Variants in PODXL observed in about 807,000 individuals in gnomAD.
PODXL encodes the protein podocalyxin.
Under a neutral mutation model 48.9 loss-of-function variants are expected in PODXL, and 20 were observed. The observed-to-expected ratio is 0.41, with a 90% CI of 0.29 to 0.59. The LOEUF is 0.59. PODXL is among the 20% of genes least tolerant of loss of function. The pLI, the probability that PODXL is intolerant of heterozygous loss-of-function variation, is 0.31. For synonymous variants in PODXL, 295 were observed against 287.4 expected (o/e 1.03, Z -0.27); for missense variants, 606 against 675.1 (o/e 0.90, Z 1.13).
rs77853643 is a variant in PODXL, at chr7:131,537,969, C to A, written c.100+18291G>T. 5.8e-3 allele frequency among the ~76,000 whole-genome samples: 877 copies of A among 152,346 alleles called. 9 individuals are homozygous for A. Among genetic ancestry groups the A allele is most frequent in the African/African-American group, 0.019 (807 of 41,574 alleles). On this transcript the variant is annotated intron_variant, in intron 1 of 8. Transcript: ENST00000378555. ...CACTATGTATTTGTCCATTCTGCTG[C>A]TGATGGGCATTTGGGCGGCTTCCAG...
chr7:131,545,384 A>C (rs1271413768), intron 1 of PODXL, among the ~76,000 whole-genome samples: 1 of 152,186 alleles, frequency 6.6e-6, no homozygotes, highest in Non-Finnish European at 1.5e-5. Flanking sequence ...GTGTTGTTAT[A>C]GCTAACGCTT....
intron 1 of PODXL, among the ~76,000 whole-genome samples, chr7:131,516,675 G>A (rs890945674): frequency 6.6e-6 from 1 of 151,178 alleles, no homozygotes; most frequent in African/African-American, 2.4e-5. Context: ...CCATGTCTCT[G>A]AAATGAGAAT....
chr7:131,552,192 C>T (rs952899576), intron 1 of PODXL, among the ~76,000 whole-genome samples: 3 of 152,158 alleles, frequency 2.0e-5, no homozygotes, highest in Admixed American at 6.5e-5. Flanking sequence ...CCCAAGCGAC[C>T]GCTCAGCGCT....
chr7:131,544,902 C>T (rs1798547894), intron 1 of PODXL, among the ~76,000 whole-genome samples: 1 of 152,208 alleles, frequency 6.6e-6, no homozygotes, highest in Non-Finnish European at 1.5e-5. Flanking sequence ...TCAGCAGGCC[C>T]TGTTTATCCA....
At position 131,539,458 on chromosome 7, in the gene PODXL, G is replaced by T. The variant is rs567683161; in HGVS notation, c.100+16802C>A. 2.0e-5 allele frequency among the ~76,000 whole-genome samples: 3 copies of T among 152,186 alleles called. No individual in the cohort carries two copies. The East Asian group carries it at 5.8e-4, about 29-fold the overall frequency. On this transcript the variant is annotated intron_variant, in intron 1 of 8. Coordinates refer to ENST00000378555, the MANE Select transcript of PODXL (RefSeq NM_001018111.3). ...TGACTGTCCAGTCTCAGTCTCCTGG[G>T]TAGCTGGGATTACAGGCACGCACCA...
At chr7:131,539,320 T>C (rs552111509) in intron 1 of PODXL, among the ~76,000 whole-genome samples, 109 of 152,312 alleles carry the variant, frequency 7.2e-4, no homozygotes, top group South Asian at 3.3e-3. Context: ...AATGAACATA[T>C]TTTTTAGAAT....
At chr7:131,511,601 C>T (rs905000314) in intron 1 of PODXL, among the ~76,000 whole-genome samples, 168 bp from the exon 2 acceptor site, 1 of 152,054 alleles carries the variant, frequency 6.6e-6, no homozygotes, top group Non-Finnish European at 1.5e-5. Context: ...CAAGAAACCT[C>T]TTTTTTCTGT....
intron 8 of PODXL, among the ~76,000 whole-genome samples, chr7:131,505,422 G>A (rs533654367): frequency 3.2e-4 from 49 of 152,210 alleles, no homozygotes; most frequent in Admixed American, 2.0e-3. Flanking sequence ...TGAGGCAGGC[G>A]GATTGCTTGA....
intron 1 of PODXL, among the ~76,000 whole-genome samples, chr7:131,553,266 T>C (rs984690227): frequency 6.6e-6 from 1 of 152,310 alleles, no homozygotes; most frequent in Admixed American, 6.5e-5. Flanking sequence ...AATCCCTATG[T>C]GAAAACCCCA....
At chr7:131,511,849 T>G (rs979632998) in intron 1 of PODXL, among the ~76,000 whole-genome samples, 1 of 152,152 alleles carries the variant, frequency 6.6e-6, no homozygotes, top group Non-Finnish European at 1.5e-5. Context: ...CCACCACACG[T>G]GGAGGCTGTC....
At chr7:131,543,710 G>C (rs758171193) in intron 1 of PODXL, among the ~76,000 whole-genome samples, 15 of 152,128 alleles carry the variant, frequency 9.9e-5, no homozygotes, top group Non-Finnish European at 2.1e-4. Context: ...AGGGGAAAGG[G>C]AGGCATCTGA....
rs1254142836 is a variant in PODXL at position 131,504,421 on chromosome 7, G to A, written c.1567C>T (p.Gln523Ter). Reference protein sequence around the residue: ...LEVMETSSEMQEKKVVSLNGE... With the variant: ...LEVMETSSEM The stretch of plus-strand genomic sequence containing the variant: ...TTGAGGCTGACCACCTTCTTCTCCT[G>A]CATCTCAGAAGAGGTCTCCATCACT... Residue 523 changes from glutamine to a stop codon, truncating the protein, a stop_gained, in exon 9 of 9, where the codon CAG (glutamine) becomes TAG (stop). Transcript: ENST00000378555. LOFTEE classifies it high-confidence loss of function. 6.2e-7 allele frequency: 1 copy of A among 1,613,842 alleles called. No individual in the cohort carries two copies. The highest frequency in any genetic ancestry group is 8.5e-7 in the Non-Finnish European group (1 of 1,179,832).
At chr7:131,534,412 T>C (rs6942947) in intron 1 of PODXL, among the ~76,000 whole-genome samples, 8,901 of 152,248 alleles carry the variant, frequency 0.058, 353 homozygotes, top group East Asian at 0.22. Context: ...TCTACCCTGA[T>C]AATGACCCCG....
intron 1 of PODXL, among the ~76,000 whole-genome samples, chr7:131,538,197 T>G (rs2398794): frequency 1.3e-5 from 2 of 152,200 alleles, no homozygotes; most frequent in South Asian, 2.1e-4. Flanking sequence ...ATGACCCCCC[T>G]ACCCCCAGGC....
intron 1 of PODXL, among the ~76,000 whole-genome samples, chr7:131,536,380 C>G (rs1216322847): frequency 6.6e-6 from 1 of 152,150 alleles, no homozygotes; most frequent in African/African-American, 2.4e-5. Context: ...GTATTGCCAC[C>G]CCTCAGTGGG....
At chr7:131,527,004 G>C (rs1310858965) in intron 1 of PODXL, among the ~76,000 whole-genome samples, 2 of 152,110 alleles carry the variant, frequency 1.3e-5, no homozygotes, top group Non-Finnish European at 2.9e-5. Flanking sequence ...CTCCCAAAGT[G>C]CTGGCATTAC....
intron 1 of PODXL, among the ~76,000 whole-genome samples, chr7:131,520,718 C>T (rs894194397): frequency 6.6e-6 from 1 of 152,156 alleles, no homozygotes; most frequent in Non-Finnish European, 1.5e-5. Flanking sequence ...AATCGTCCAT[C>T]AACAAAACAT....
chr7:131,554,396 T>C (rs368711258), intron 1 of PODXL, among the ~76,000 whole-genome samples: 2 of 152,230 alleles, frequency 1.3e-5, no homozygotes, highest in East Asian at 3.8e-4. Flanking sequence ...CATACTATAA[T>C]GCATACAGTG....
At position 131,556,564 on chromosome 7, in the gene PODXL, T is replaced by G. The variant is rs1798752439; in HGVS notation, c.-205A>C. ...GAGCCGGGCTGGGGCGCAGAGCCAG[T>G]GGCAGAGGAGCGGCGGCGGCGGCGG... On this transcript the variant is annotated 5_prime_UTR_variant, in exon 1 of 9. Coordinates refer to ENST00000378555, the MANE Select transcript of PODXL (RefSeq NM_001018111.3). 1 of 513,034 alleles carries G rather than the reference T, an allele frequency of 1.9e-6. No individual in the cohort carries two copies. Among genetic ancestry groups the G allele is most frequent in the African/African-American group, 2.0e-5 (1 of 49,726 alleles). 31.8% of individuals were successfully genotyped at this position (513,034 alleles called of 1,614,324 possible).
Sources: gnomAD v4.1 joint callset for allele counts (sites outside exome capture counted in the v4.1 genomes callset) on GRCh38, gnomAD v4.1.1 for gene constraint, MANE v1.5 for transcripts, NCBI Gene and HGNC (gene_info 2026-07-23, HGNC 2026-07-21) for gene names.